APBA1: variants seen among roughly 807,000 people sequenced by gnomAD.
APBA1 encodes amyloid-beta A4 precursor protein-binding family A member 1.
A neutral mutation model predicts 86.6 loss-of-function variants in APBA1; 55 were observed. The observed-to-expected ratio is 0.64, with a 90% confidence interval of 0.51 to 0.80. APBA1 has a LOEUF of 0.80. Among genes scored for constraint, APBA1 ranks in the 30% least tolerant of loss-of-function variants. APBA1 has a pLI of 0.00. For missense variants in APBA1, 1,090 were observed against 1,183.0 expected (o/e 0.92, Z 1.15); for synonymous variants, 511 against 493.9 (o/e 1.03, Z -0.46).
intron 11 of APBA1, 120 bp from the exon 12 acceptor site, chr9:69,432,796 G>C (rs1271569684): frequency 9.4e-7 from 1 of 1,062,282 alleles, no homozygotes; most frequent in African/African-American, 1.6e-5. Context: ...ACATGGTTAG[G>C]CTTTGGGCAT....
In APBA1 at chr9:69,516,431, GC is replaced by G; in HGVS notation, c.779del (p.Arg260ProfsTer14). 6.2e-7 allele frequency: 1 copy of G among 1,604,926 alleles called. No homozygotes were observed. Among genetic ancestry groups the G allele is most frequent in the Non-Finnish European group, 8.5e-7 (1 of 1,178,756 alleles). On this transcript the variant is annotated frameshift_variant, in exon 2 of 13. Coordinates refer to ENST00000265381, the MANE Select transcript of APBA1 (RefSeq NM_001163.4). LOFTEE classifies it high-confidence loss of function. The surrounding 1 kb of genome is among the most constrained non-coding windows in gnomAD (Gnocchi z 7.3). ...EKEAEFAPYPRMDSYEQEEDI... is the reference protein window; with the variant it reads ...EKEAEFAPYPXMDSYEQEEDI... ...CCTCCTCCTGCTCGTAGCTGTCCATGCGCGGGTAGGGCGCGAACTCGGCCTC... is the reference window on the plus strand; with the variant it reads ...CCTCCTCCTGCTCGTAGCTGTCCATGGCGGGTAGGGCGCGAACTCGGCCTC...
chr9:69,558,009 G>C (rs1047922575), intron 1 of APBA1, among the ~76,000 whole-genome samples: 2 of 152,120 alleles, frequency 1.3e-5, no homozygotes, highest in Non-Finnish European at 2.9e-5. Context: ...ATACATGTTA[G>C]AATCTCTGAT....
At chr9:69,654,567 C>T (rs1050542040) in intron 1 of APBA1, among the ~76,000 whole-genome samples, 8 of 152,206 alleles carry the variant, frequency 5.3e-5, no homozygotes, top group Admixed American at 2.6e-4. Context: ...AATAAAATGT[C>T]CCCCATCAAG....
chr9:69,667,579 C>A (rs901443199), intron 1 of APBA1, among the ~76,000 whole-genome samples: 1 of 149,188 alleles, frequency 6.7e-6, no homozygotes, highest in Non-Finnish European at 1.5e-5. Context: ...CATCTAGTAT[C>A]CTCCCATCTT....
chr9:69,433,595 A>G (rs1436311062), intron 11 of APBA1, among the ~76,000 whole-genome samples: 1 of 152,186 alleles, frequency 6.6e-6, no homozygotes, highest in Non-Finnish European at 1.5e-5. Context: ...AACTATGAAC[A>G]AAGCAAACAA....
intron 1 of APBA1, among the ~76,000 whole-genome samples, chr9:69,599,211 C>T (rs956055738): frequency 1.3e-5 from 2 of 152,204 alleles, no homozygotes; most frequent in African/African-American, 2.4e-5. Context: ...TTTTATATTA[C>T]ATATATTTAC....
chr9:69,547,196 C>G (rs886619269), intron 1 of APBA1, among the ~76,000 whole-genome samples: 3 of 152,134 alleles, frequency 2.0e-5, no homozygotes, highest in Admixed American at 6.5e-5. Flanking sequence ...CAAAAGAAAT[C>G]CAGAGGGGGA....
chr9:69,436,086 T>C (rs543983828), intron 11 of APBA1, among the ~76,000 whole-genome samples: 31 of 150,758 alleles, frequency 2.1e-4, no homozygotes, highest in African/African-American at 7.5e-4. Context: ...GATCAGACAG[T>C]TGTAGATATG....
intron 1 of APBA1, among the ~76,000 whole-genome samples, chr9:69,640,505 GACTCT>G (rs1221687851): frequency 6.6e-6 from 1 of 151,690 alleles, no homozygotes; most frequent in Admixed American, 6.6e-5. Context: ...TCAACATTTT[GACTCT>G]GTAATATTAA....
chr9:69,589,154 C>T (rs1236597438), intron 1 of APBA1, among the ~76,000 whole-genome samples: 1 of 152,076 alleles, frequency 6.6e-6, no homozygotes, highest in Non-Finnish European at 1.5e-5. Flanking sequence ...TGGGGTTTTA[C>T]CATGTTGCCC....
rs2133888917 is a variant in APBA1, at chr9:69,516,240, C to T, written c.971G>A (p.Arg324Gln). The change falls in exon 2 of 13, where the codon CGG becomes CAG. Residue 324 changes from arginine to glutamine, a missense_variant. By Grantham distance (43) the Arg-to-Gln change is conservative. Coordinates refer to ENST00000265381, the MANE Select transcript of APBA1 (RefSeq NM_001163.4). The surrounding 1 kb of genome is among the most constrained non-coding windows in gnomAD (Gnocchi z 7.3). Reference protein sequence around the residue: ...PGLQAPAGQQRAVGPAGGGEA... With the variant: ...PGLQAPAGQQQAVGPAGGGEA... ...GCCGCCGCCCGCGGGGCCCACCGCC[C>T]GCTGCTGCCCCGCCGGCGCCTGCAG... 1 of 1,395,198 alleles carries T rather than the reference C, an allele frequency of 7.2e-7. No homozygotes were observed. Among genetic ancestry groups the T allele is most frequent in the Non-Finnish European group, 9.3e-7 (1 of 1,077,050 alleles). 86.4% of individuals were successfully genotyped at this position (1,395,198 alleles called of 1,614,324 possible). A position where few individuals can be genotyped will look rare whatever the true frequency, so the allele number is the denominator to read the frequency against.
intron 1 of APBA1, among the ~76,000 whole-genome samples, chr9:69,640,073 C>G (rs976646255): frequency 2.0e-5 from 3 of 151,922 alleles, no homozygotes; most frequent in African/African-American, 7.3e-5. Flanking sequence ...TTTTCCTCAA[C>G]AAATAAATTA....
At chr9:69,636,803 AAGAGAG>A (rs34367635) in intron 1 of APBA1, among the ~76,000 whole-genome samples, 55 of 15,334 alleles carry the variant, frequency 3.6e-3, no homozygotes, top group Middle Eastern at 0.029. Flanking sequence ...TCAAAAAAAG[AAGAGAG>A]AGAGAGAGAG....
At chr9:69,569,637 G>A (rs980532755) in intron 1 of APBA1, among the ~76,000 whole-genome samples, 17 of 152,328 alleles carry the variant, frequency 1.1e-4, no homozygotes, top group Non-Finnish European at 2.1e-4. Flanking sequence ...GCATATGGTT[G>A]AAGGTGACTG....
chr9:69,551,329 G>A (rs958484856), intron 1 of APBA1, among the ~76,000 whole-genome samples: 3 of 152,084 alleles, frequency 2.0e-5, no homozygotes, highest in Non-Finnish European at 4.4e-5. Context: ...TGAGGTGGGC[G>A]GAACATGAGG....
At chr9:69,541,260 C>G (rs903486742) in intron 1 of APBA1, among the ~76,000 whole-genome samples, 3 of 146,140 alleles carry the variant, frequency 2.1e-5, no homozygotes, top group African/African-American at 7.4e-5. Flanking sequence ...GACCCCCCCC[C>G]CCATTCTGTT....
intron 2 of APBA1, among the ~76,000 whole-genome samples, chr9:69,504,209 T>C (rs1835919173): frequency 6.6e-6 from 1 of 152,114 alleles, no homozygotes; most frequent in Non-Finnish European, 1.5e-5. Flanking sequence ...TTCTATTTCA[T>C]TATTCTAGAT....
chr9:69,473,559 A>G (rs567676803), intron 3 of APBA1, among the ~76,000 whole-genome samples: 4 of 152,316 alleles, frequency 2.6e-5, no homozygotes, highest in African/African-American at 9.6e-5. Flanking sequence ...AGAAGCTACA[A>G]AAGAATTACT....
intron 10 of APBA1, among the ~76,000 whole-genome samples, chr9:69,447,319 T>G (rs1162620989): frequency 6.6e-6 from 1 of 152,062 alleles, no homozygotes; most frequent in Non-Finnish European, 1.5e-5. Context: ...TCAGACCAAC[T>G]CCCCACAAAC....
Sources: gnomAD v4.1 joint callset for allele counts (sites outside exome capture counted in the v4.1 genomes callset) on GRCh38, gnomAD v4.1.1 for gene constraint, Gnocchi (gnomAD v3.1) non-coding constraint, MANE v1.5 for transcripts, NCBI Gene and HGNC (gene_info 2026-07-23, HGNC 2026-07-21) for gene names.